CILP2: variants seen among roughly 807,000 people sequenced by gnomAD.
CILP2 encodes CILP-2.
In CILP2, 38 loss-of-function variants were observed where a neutral mutation model predicts 45.6. The observed-to-expected ratio is 0.83, with a 90% CI of 0.64 to 1.09. The LOEUF is 1.09. CILP2 is among the 50% of genes least tolerant of loss of function. CILP2 has a pLI of 0.00. For missense variants in CILP2, 1,735 were observed against 1,662.2 expected (o/e 1.04, Z -0.76); for synonymous variants, 780 against 723.5 (o/e 1.08, Z -1.25).
intron 1 of CILP2, among the ~76,000 whole-genome samples, chr19:19,539,026 A>C (rs1205318606): frequency 2.0e-5 from 3 of 152,240 alleles, no homozygotes; most frequent in Admixed American, 6.5e-5. Flanking sequence ...GCAGAGGCAC[A>C]GCCAGCTGAA....
chr19:19,544,452 C>A lies in CILP2; in HGVS notation c.1907C>A (p.Pro636Gln). 1 of 1,609,308 alleles carries A rather than the reference C, an allele frequency of 6.2e-7. No homozygotes were observed. ...GTGGACAGCGACGGCGAGCTGGCTC[C>A]ACTGCGCACCTACGGCATGTTCTCC... ...RFVDSDGELAPLRTYGMFSVD... is the reference protein window; with the variant it reads ...RFVDSDGELAQLRTYGMFSVD... The change falls in exon 8 of 8, where the codon CCA (proline) becomes CAA (glutamine). Residue 636 changes from proline to glutamine, a missense_variant. By Grantham distance (76) the Pro-to-Gln change is moderately conservative. Coordinates refer to ENST00000291495, the MANE Select transcript of CILP2 (RefSeq NM_153221.2).
In CILP2 at chr19:19,542,985, C is replaced by A; in HGVS notation, c.977+13C>A. ...AGAAATACTCCTGGTGAGCGCCCGC[C>A]CCGGGCTCAGGGGCATCTTCTGTGG... On this transcript the variant is annotated intron_variant, in intron 6 of 7. Transcript: ENST00000291495. 6.4e-7 allele frequency: 1 copy of A among 1,555,252 alleles called. No individual in the cohort carries two copies. Among genetic ancestry groups the A allele is most frequent in the South Asian group, 1.1e-5 (1 of 89,486 alleles).
chr19:19,544,593 C>T lies in CILP2; in HGVS notation c.2048C>T (p.Ser683Leu). ...PGHVEALKLW[S>L]LNPETGLWEE... is the part of the protein sequence containing the mutation. Reference sequence around the variant, plus strand: ...CACGTGGAGGCCCTCAAGCTGTGGTCGCTGAACCCCGAGACCGGCTTGTGG... The same window carrying T: ...CACGTGGAGGCCCTCAAGCTGTGGTTGCTGAACCCCGAGACCGGCTTGTGG... Residue 683 changes from serine (S) to leucine (L), a missense_variant, in exon 8 of 8, where the codon TCG (serine) becomes TTG (leucine). Coordinates refer to ENST00000291495, the MANE Select transcript of CILP2 (RefSeq NM_153221.2). 3 of 1,576,814 alleles carry T rather than the reference C, an allele frequency of 1.9e-6. No homozygotes were observed. Among genetic ancestry groups the T allele is most frequent in the Non-Finnish European group, 2.6e-6 (3 of 1,167,664 alleles).
At chr19:19,543,060 G>A in intron 6 of CILP2, 88 bp downstream of exon 6, 2 of 1,050,782 alleles carry the variant, frequency 1.9e-6, no homozygotes, top group Non-Finnish European at 2.9e-6. Flanking sequence ...CCCATCTGGA[G>A]AGTGGGGAAA....
At position 19,544,602 on chromosome 19, in the gene CILP2, C is replaced by G. The variant is rs766732109; in HGVS notation, c.2057C>G (p.Pro686Arg). The G allele has an allele frequency of 1.6e-5, 25 of 1,578,016 alleles. No individual in the cohort carries two copies. The South Asian group carries it at 2.5e-4, about 16-fold the overall frequency. The change falls in exon 8 of 8, where the codon CCC (proline) becomes CGC (arginine). Residue 686 changes from proline to arginine, a missense_variant. Pro to Arg is a moderately radical substitution (Grantham distance 103). Transcript: ENST00000291495. ...VEALKLWSLN[P>R]ETGLWEEESG... ...GCCCTCAAGCTGTGGTCGCTGAACC[C>G]CGAGACCGGCTTGTGGGAGGAGGAG...
Position 19,539,743 on chromosome 19 carries a change from C to T in CILP2, c.129C>T (p.Thr43=), listed in dbSNP as rs759073677. 299 of 1,604,526 alleles carry T rather than the reference C, an allele frequency of 1.9e-4. No individual in the cohort carries two copies. The highest frequency in any genetic ancestry group is 1.3e-5 in the African/African-American group (1 of 74,146). Residue 43 remains threonine, a synonymous_variant, in exon 2 of 8, where the codon ACC becomes ACT. Coordinates refer to ENST00000291495, the MANE Select transcript of CILP2 (RefSeq NM_153221.2). The part of the protein sequence containing the change: ...ALGLERRSVY[T]GQPSPALEDW... ...GCCTGGAAAGACGGTCCGTGTACAC[C>T]GGCCAGCCCTCACCAGCCCTGGAGG...
chr19:19,539,884 C>T (rs1418210494), intron 2 of CILP2, 107 bp downstream of exon 2: 2 of 904,122 alleles, frequency 2.2e-6, no homozygotes, highest in South Asian at 4.0e-5. Context: ...ACGAAGGGCC[C>T]GGCGCCGTCC....
rs1450164673 is a variant in CILP2, at chr19:19,542,366, TC to T, written c.593-3del. 3 of 1,602,066 alleles carry T rather than the reference TC, an allele frequency of 1.9e-6. No homozygotes were observed. The highest frequency in any genetic ancestry group is 8.5e-7 in the Non-Finnish European group (1 of 1,173,466). ...TTCTCTGTCCTGCTTCCTCTCCATA[TC>T]CCCCCAGGGTGCAGCCTTGACACCT... is the stretch of plus-strand genomic sequence containing the variant. On this transcript the variant is annotated splice_polypyrimidine_tract_variant and splice_region_variant and intron_variant, in intron 4 of 7. Transcript: ENST00000291495.
chr19:19,543,486 A>G lies in CILP2; in HGVS notation c.1135+81A>G, dbSNP rs1011560257. 7.2e-6 allele frequency: 11 copies of G among 1,537,844 alleles called. No individual in the cohort carries two copies. In the East Asian group the frequency reaches 2.3e-4, roughly 32 times the overall value. ...TGTAGCTAAGCTCAACCCCAAATGG[A>G]GCCCCCACTTCAGACTGATCCAATC... On this transcript the variant is annotated intron_variant, in intron 7 of 7. Transcript: ENST00000291495.
chr19:19,541,378 G>A, intron 4 of CILP2, 132 bp downstream of exon 4: 2 of 841,328 alleles, frequency 2.4e-6, no homozygotes, highest in Non-Finnish European at 3.2e-6. Flanking sequence ...TCTCCTGAGC[G>A]ATGCCTAGAG....
In CILP2 at chr19:19,543,309, C is replaced by T. The variant is rs762973440; in HGVS notation, c.1039C>T (p.Arg347Trp). 50 of 1,613,568 alleles carry T rather than the reference C, an allele frequency of 3.1e-5. No individual in the cohort carries two copies. Among genetic ancestry groups the T allele is most frequent in the Admixed American group, 6.7e-5 (4 of 60,006 alleles). ...AHGYGAHLELRGLRPDQAGIY... is the reference protein window; with the variant it reads ...AHGYGAHLELWGLRPDQAGIY... ...TGGGTACGGGGCCCACCTGGAGCTG[C>T]GGGGACTGCGCCCAGACCAGGCTGG... The change falls in exon 7 of 8, where the codon CGG becomes TGG. Residue 347 changes from arginine (R) to tryptophan (W), a missense_variant. Arg to Trp is a moderately radical substitution (Grantham distance 101). Transcript: ENST00000291495.
At chr19:19,539,588 G>GGGGA in intron 1 of CILP2, 91 bp from the exon 2 acceptor site, 2 of 781,464 alleles carry the variant, frequency 2.6e-6, no homozygotes, top group Non-Finnish European at 3.8e-6. Flanking sequence ...AAAGGGGGGG[G>GGGGA]ATGATCGTGG....
intron 5 of CILP2, 55 bp downstream of exon 5, chr19:19,542,705 T>G: frequency 6.3e-7 from 1 of 1,588,766 alleles, no homozygotes; most frequent in African/African-American, 1.5e-5. Flanking sequence ...GGGAGGAAGT[T>G]CTAGCACTCG....
rs762031034 is a variant in CILP2, at chr19:19,544,771, C to T, written c.2226C>T (p.Arg742=). ...GCCGCCGCTGCTTCGTGAAGGTGCG[C>T]GCCTACGCCAACGACAAGTTCACCC... ...PERRRCFVKV[R]AYANDKFTPS... is the part of the protein sequence containing the mutation. The change falls in exon 8 of 8, where the codon CGC becomes CGT. Residue 742 remains arginine (R), a synonymous_variant. Transcript: ENST00000291495. 1.1e-4 allele frequency: 182 copies of T among 1,606,928 alleles called. No individual in the cohort carries two copies. Among genetic ancestry groups the T allele is most frequent in the Non-Finnish European group, 1.0e-4 (119 of 1,179,592 alleles).
rs2061265332 is a variant in CILP2 at position 19,546,343 on chromosome 19, C to CA, written c.*329dup. ...CTCGTGCGTATTTTGACCCTGATTTCAATCTTCTACCCTTGGGAGTTCTGG... is the reference window on the plus strand; with the variant it reads ...CTCGTGCGTATTTTGACCCTGATTTCAAATCTTCTACCCTTGGGAGTTCTGG... On this transcript the variant is annotated 3_prime_UTR_variant, in exon 8 of 8. Coordinates refer to ENST00000291495, the MANE Select transcript of CILP2 (RefSeq NM_153221.2). 4.5e-6 allele frequency: 1 copy of CA among 220,562 alleles called. No homozygotes were observed. The highest frequency in any genetic ancestry group is 8.9e-6 in the Non-Finnish European group (1 of 112,778). 13.7% of individuals were successfully genotyped at this position (220,562 alleles called of 1,614,324 possible).
chr19:19,543,028 A>T lies in CILP2; in HGVS notation c.977+56A>T, dbSNP rs2061250178. The T allele has an allele frequency of 2.5e-6, 3 of 1,219,684 alleles. No homozygotes were observed. The South Asian group carries it at 3.8e-5, about 16-fold the overall frequency. 75.6% of individuals were successfully genotyped at this position (1,219,684 alleles called of 1,614,324 possible). ...TTCTGTGGCTTTGGGGTTAGATTCAATTTCATGTTGTTATGTGGTTTCCCA... is the reference window on the plus strand; with the variant it reads ...TTCTGTGGCTTTGGGGTTAGATTCATTTTCATGTTGTTATGTGGTTTCCCA... On this transcript the variant is annotated intron_variant, in intron 6 of 7. Transcript: ENST00000291495.
rs953810764 is a variant in CILP2, at chr19:19,543,977, C to G, written c.1432C>G (p.Arg478Gly). Reference protein sequence around the residue: ...CLPPRGLVRGRVVAADSGEPL... With the variant: ...CLPPRGLVRGGVVAADSGEPL... ...GCCCCCTCGGGGGCTGGTCCGGGGCCGTGTTGTGGCTGCTGACTCCGGGGA... is the reference window on the plus strand; with the variant it reads ...GCCCCCTCGGGGGCTGGTCCGGGGCGGTGTTGTGGCTGCTGACTCCGGGGA... The change falls in exon 8 of 8, where the codon CGT (arginine) becomes GGT (glycine). Residue 478 changes from arginine to glycine, a missense_variant. By Grantham distance (125) the Arg-to-Gly change is moderately radical. Transcript: ENST00000291495. 6.2e-6 allele frequency: 10 copies of G among 1,613,388 alleles called. No individual in the cohort carries two copies. The highest frequency in any genetic ancestry group is 4.0e-5 in the African/African-American group (3 of 74,934).
intron 4 of CILP2, 102 bp from the exon 5 acceptor site, chr19:19,542,273 G>A (rs527874422): frequency 4.6e-4 from 641 of 1,404,884 alleles, no homozygotes; most frequent in Admixed American, 1.0e-3. Context: ...CCTTATGGGG[G>A]GGCCCCAGGC....
chr19:19,543,420 C>T lies in CILP2; in HGVS notation c.1135+15C>T. ...CACTGTACTTGGTGAGTGTCCTTGG[C>T]CACAGCCCCGAGCAAGCCTTCACCC... On this transcript the variant is annotated intron_variant, in intron 7 of 7. Transcript: ENST00000291495. The T allele has an allele frequency of 6.2e-7, 1 of 1,612,344 alleles. No individual in the cohort carries two copies. Among genetic ancestry groups the T allele is most frequent in the Non-Finnish European group, 8.5e-7 (1 of 1,179,384 alleles).
Sources: gnomAD v4.1 joint callset for allele counts (sites outside exome capture counted in the v4.1 genomes callset) on GRCh38, gnomAD v4.1.1 for gene constraint, MANE v1.5 for transcripts, NCBI Gene and HGNC (gene_info 2026-07-23, HGNC 2026-07-21) for gene names.